KPNA4: variants seen among roughly 807,000 people sequenced by gnomAD.
The protein encoded by KPNA4 is importin subunit alpha-3.
In KPNA4, 13 loss-of-function variants were observed where a neutral mutation model predicts 71.3. The observed-to-expected ratio is 0.18, with a 90% CI of 0.12 to 0.29. The LOEUF (loss-of-function observed/expected upper bound fraction) is 0.29. Ranked by LOEUF, KPNA4 falls within the 10% of genes least tolerant of loss-of-function variation. The probability of loss-of-function intolerance (pLI) is 1.00; values close to 1 mark genes in which losing one functional copy is unlikely to be tolerated. For synonymous variants in KPNA4, 189 were observed against 195.2 expected (o/e 0.97, Z 0.26); for missense variants, 334 against 603.2 (o/e 0.55, Z 4.67).
chr3:160,513,888 C>T (rs369306040), intron 13 of KPNA4, among the ~76,000 whole-genome samples, 189 bp downstream of exon 13: 3 of 151,588 alleles, frequency 2.0e-5, no homozygotes, highest in African/African-American at 4.9e-5. Context: ...TTGCCCCCCA[C>T]CCCCCAAAAA....
chr3:160,532,407 A>C (rs1721593194), intron 5 of KPNA4, among the ~76,000 whole-genome samples: 1 of 152,236 alleles, frequency 6.6e-6, no homozygotes, highest in Non-Finnish European at 1.5e-5. Flanking sequence ...ACCAAATTTA[A>C]GGCCATAAAA....
chr3:160,565,370 C>A lies in KPNA4; in HGVS notation c.-88G>T. 5 of 1,134,076 alleles carry A rather than the reference C, an allele frequency of 4.4e-6. 1 individual carries two copies. The allele number at this position is 1,134,076 out of a possible 1,614,324, so 70.3% of individuals were successfully genotyped here. The stretch of plus-strand genomic sequence containing the variant: ...GCACCGACACTCCCAGGAACCGGGC[C>A]GCCGCCTGAGCTGCTGTGCCCGCCG... On this transcript the variant is annotated 5_prime_UTR_variant, in exon 1 of 17. Coordinates refer to ENST00000334256, the MANE Select transcript of KPNA4 (RefSeq NM_002268.5).
rs1720823066 is a variant in KPNA4 at position 160,499,000 on chromosome 3, A to T, written c.*3104T>A. ...GGGTGCCCCCATAAATTACTGTTAC[A>T]ATAAACCCAGTCATTTTACAATGCA... On this transcript the variant is annotated 3_prime_UTR_variant, in exon 17 of 17. Coordinates refer to ENST00000334256, the MANE Select transcript of KPNA4 (RefSeq NM_002268.5). 2 of 152,218 alleles carry T rather than the reference A, an allele frequency of 1.3e-5. No individual in the cohort carries two copies. Among genetic ancestry groups the T allele is most frequent in the Admixed American group, 1.3e-4 (2 of 15,278 alleles). The allele number at this position is 152,218 out of a possible 1,614,324, so 9.4% of individuals were successfully genotyped here.
intron 15 of KPNA4, 132 bp downstream of exon 15, chr3:160,507,975 T>C: frequency 1.5e-6 from 1 of 682,480 alleles, no homozygotes; most frequent in Non-Finnish European, 2.4e-6. Flanking sequence ...ACATATAGAA[T>C]ACAATATTTA....
chr3:160,520,225 A>C (rs1239296468), intron 11 of KPNA4, among the ~76,000 whole-genome samples: 2 of 152,104 alleles, frequency 1.3e-5, no homozygotes, highest in Admixed American at 1.3e-4. Flanking sequence ...ATAAGTCATA[A>C]ATAGCCTTAA....
chr3:160,539,970 G>T lies in KPNA4; in HGVS notation c.70-3130C>A, dbSNP rs180778590. Among the ~76,000 whole-genome samples the T allele has an allele frequency of 3.2e-4, 48 of 150,260 alleles. No homozygotes were observed. In the East Asian group the frequency reaches 6.6e-3, roughly 21 times the overall value. Reference sequence around the variant, plus strand: ...TTACATCTCATTTATTAAATCCAGAGATTTACGAAAAATTTTCTTTTTCTT... The same window carrying T: ...TTACATCTCATTTATTAAATCCAGATATTTACGAAAAATTTTCTTTTTCTT... On this transcript the variant is annotated intron_variant, in intron 1 of 16. Transcript: ENST00000334256.
chr3:160,552,971 G>A (rs924847472), intron 1 of KPNA4, among the ~76,000 whole-genome samples: 29 of 151,934 alleles, frequency 1.9e-4, no homozygotes, highest in African/African-American at 6.3e-4. Flanking sequence ...GGAGAGGTGA[G>A]AATTGATTTA....
intron 1 of KPNA4, among the ~76,000 whole-genome samples, chr3:160,558,654 G>A (rs1722187899): frequency 6.6e-6 from 1 of 152,068 alleles, no homozygotes; most frequent in Non-Finnish European, 1.5e-5. Context: ...TAAAAGAGTG[G>A]CACTCAAAGC....
chr3:160,544,007 G>A (rs1033572345), intron 1 of KPNA4, among the ~76,000 whole-genome samples: 9 of 152,174 alleles, frequency 5.9e-5, no homozygotes, highest in Admixed American at 1.3e-4. Context: ...ACAGGTGCCC[G>A]CCACCACGCC....
chr3:160,510,017 G>A (rs1721059461), intron 13 of KPNA4, 146 bp from the exon 14 acceptor site: 1 of 614,356 alleles, frequency 1.6e-6, no homozygotes, highest in African/African-American at 1.9e-5. Context: ...ATTAAGACAG[G>A]TCTTTGAACT....
intron 5 of KPNA4, among the ~76,000 whole-genome samples, chr3:160,535,219 AC>A (rs1213821750): frequency 1.3e-5 from 2 of 152,034 alleles, no homozygotes; most frequent in African/African-American, 4.8e-5. Flanking sequence ...TTTTTCTCTT[AC>A]TCTATGGCAT....
Position 160,565,439 on chromosome 3 carries a change from T to C in KPNA4, c.-157A>G, listed in dbSNP as rs548785932. 2.1e-5 allele frequency: 13 copies of C among 615,188 alleles called. No homozygotes were observed. Among genetic ancestry groups the C allele is most frequent in the South Asian group, 5.8e-5 (3 of 51,748 alleles). The allele number at this position is 615,188 out of a possible 1,614,324, so 38.1% of individuals were successfully genotyped here. On this transcript the variant is annotated 5_prime_UTR_variant, in exon 1 of 17. Coordinates refer to ENST00000334256, the MANE Select transcript of KPNA4 (RefSeq NM_002268.5). The stretch of plus-strand genomic sequence containing the variant: ...CCTCTCACCTGCCTCCGCCGCGGCC[T>C]TCTCCTCTCCCCGCCCGCCCCCCCG...
At position 160,495,648 on chromosome 3, in the gene KPNA4, G is replaced by T. The variant is rs1360059359; in HGVS notation, c.*6456C>A. The T allele has an allele frequency of 6.6e-6, 1 of 151,762 alleles. No individual in the cohort carries two copies. The highest frequency in any genetic ancestry group is 1.5e-5 in the Non-Finnish European group (1 of 68,016). The allele number at this position is 151,762 out of a possible 1,614,324, so 9.4% of individuals were successfully genotyped here. A position where few individuals can be genotyped will look rare whatever the true frequency, so the allele number is the denominator to read the frequency against. On this transcript the variant is annotated 3_prime_UTR_variant, in exon 17 of 17. Transcript: ENST00000334256. ...AGACCACTCAACTGAATATAATACT[G>T]ACATGGCAGAAGTGCGAGTTTTATC...
chr3:160,554,043 T>C (rs765284806), intron 1 of KPNA4, among the ~76,000 whole-genome samples: 2 of 152,174 alleles, frequency 1.3e-5, no homozygotes, highest in Non-Finnish European at 2.9e-5. Context: ...GCTGAATAAA[T>C]ATTTGCTTAA....
chr3:160,526,733 T>C (rs1202466627), intron 8 of KPNA4, among the ~76,000 whole-genome samples: 1 of 152,238 alleles, frequency 6.6e-6, no homozygotes, highest in Non-Finnish European at 1.5e-5. Context: ...GTTTCTAATA[T>C]GAAGCCATGT....
intron 1 of KPNA4, among the ~76,000 whole-genome samples, chr3:160,559,881 T>C (rs2108562623): frequency 6.6e-6 from 1 of 152,274 alleles, no homozygotes; most frequent in Non-Finnish European, 1.5e-5. Flanking sequence ...TATGTATTTT[T>C]GGTTTTGAAA....
chr3:160,524,651 A>C (rs1390922421), intron 10 of KPNA4, among the ~76,000 whole-genome samples: 2 of 152,148 alleles, frequency 1.3e-5, no homozygotes, highest in African/African-American at 4.8e-5. Context: ...GCCTCTTGTA[A>C]ATCTTTCAAA....
At chr3:160,524,578 A>C (rs1721424280) in intron 10 of KPNA4, among the ~76,000 whole-genome samples, 1 of 152,156 alleles carries the variant, frequency 6.6e-6, no homozygotes, top group Non-Finnish European at 1.5e-5. Context: ...TCCTGCACTC[A>C]AGTGATCCTC....
At chr3:160,523,797 G>A (rs1219701760) in intron 10 of KPNA4, among the ~76,000 whole-genome samples, 1 of 152,080 alleles carries the variant, frequency 6.6e-6, no homozygotes, top group African/African-American at 2.4e-5. Flanking sequence ...GTTGCAGTGA[G>A]TGGAGATCAT....
Sources: allele counts gnomAD v4.1 joint callset (sites outside exome capture counted in the v4.1 genomes callset), GRCh38; gene constraint gnomAD v4.1.1; transcripts MANE v1.5; gene names NCBI Gene and HGNC (gene_info 2026-07-23, HGNC 2026-07-21).